OPCML: variants seen among roughly 807,000 people sequenced by gnomAD.
The protein encoded by OPCML is opioid-binding protein/cell adhesion molecule.
A neutral mutation model predicts 37.8 loss-of-function variants in OPCML; 13 were observed. The observed-to-expected ratio is 0.34, with a 90% confidence interval of 0.22 to 0.55. OPCML has a LOEUF of 0.55. Ranked by LOEUF, OPCML falls within the 20% of genes least tolerant of loss-of-function variation. The probability of loss-of-function intolerance (pLI) is 0.91; values close to 1 mark genes in which losing one functional copy is unlikely to be tolerated. For synonymous variants in OPCML, 176 were observed against 168.8 expected, an observed-to-expected ratio of 1.04 and a Z score of -0.33; for missense variants, 341 against 435.6, an observed-to-expected ratio of 0.78 and a Z score of 1.93.
intron 4 of OPCML, among the ~76,000 whole-genome samples, chr11:132,487,547 G>A (rs186955404): frequency 6.6e-6 from 1 of 152,138 alleles, no homozygotes; most frequent in Admixed American, 6.5e-5. Flanking sequence ...TTTGCTGCAC[G>A]AACACCTCAT....
At chr11:133,051,967 T>C (rs994632402) in intron 1 of OPCML, among the ~76,000 whole-genome samples, 3 of 152,184 alleles carry the variant, frequency 2.0e-5, no homozygotes, top group African/African-American at 7.2e-5. Context: ...GGGGAGGAGA[T>C]AAACCCCCAG....
At chr11:132,655,315 C>T (rs1306921941) in intron 3 of OPCML, among the ~76,000 whole-genome samples, 1 of 152,174 alleles carries the variant, frequency 6.6e-6, no homozygotes, top group African/African-American at 2.4e-5. Flanking sequence ...TGGAACCAAG[C>T]CCAGGTGCAG....
chr11:133,081,635 G>A lies in OPCML; in HGVS notation c.62-138625C>T, dbSNP rs1020056060. Among the ~76,000 whole-genome samples the A allele has an allele frequency of 3.9e-5, 6 of 152,200 alleles. No homozygotes were observed. In the South Asian group the frequency reaches 1.2e-3, roughly 31 times the overall value. On this transcript the variant is annotated intron_variant, in intron 1 of 7. Transcript: ENST00000524381. ...TCTCCCTTTGGATAAGCCCAATAGT[G>A]TATTAAATGCACTCCTGCTCTAGGG... is the stretch of plus-strand genomic sequence containing the variant.
intron 2 of OPCML, among the ~76,000 whole-genome samples, chr11:132,905,640 C>T (rs1465395345): frequency 1.3e-5 from 2 of 151,872 alleles, no homozygotes; most frequent in Non-Finnish European, 1.5e-5. Flanking sequence ...CTTCATGATG[C>T]AAAATTAAGA....
chr11:133,496,865 C>T (rs1337051742), intron 1 of OPCML, among the ~76,000 whole-genome samples: 1 of 152,156 alleles, frequency 6.6e-6, no homozygotes, highest in Non-Finnish European at 1.5e-5. Flanking sequence ...GTTTGACTTC[C>T]TCTTTACCAA....
At chr11:133,043,608 C>A in intron 1 of OPCML, among the ~76,000 whole-genome samples, 1 of 152,184 alleles carries the variant, frequency 6.6e-6, no homozygotes, top group African/African-American at 2.4e-5. Context: ...TTAGACAACA[C>A]GCATCCTGAC....
At chr11:133,032,935 C>T (rs1323708352) in intron 1 of OPCML, among the ~76,000 whole-genome samples, 1 of 152,202 alleles carries the variant, frequency 6.6e-6, no homozygotes, top group Admixed American at 6.5e-5. Flanking sequence ...TATCTCAGCA[C>T]TGCAATGAGG....
intron 1 of OPCML, among the ~76,000 whole-genome samples, chr11:133,478,865 C>A (rs1385770748): frequency 6.6e-6 from 1 of 151,546 alleles, no homozygotes; most frequent in Non-Finnish European, 1.5e-5. Context: ...GCCTGCTACT[C>A]ACCCTGGAGC....
chr11:133,377,092 C>T (rs140282557), intron 1 of OPCML, among the ~76,000 whole-genome samples: 1 of 152,198 alleles, frequency 6.6e-6, no homozygotes, highest in Non-Finnish European at 1.5e-5. Context: ...GCCTTGAGGG[C>T]TCGTGGTTTA....
rs180888342 is a variant in OPCML, at chr11:133,112,644, G to A, written c.62-169634C>T. Reference sequence around the variant, plus strand: ...AACCCTGCAATGAGGGCTATTTGCCGTGAATGCTTTGATAGGTGAATGTCC... The same window carrying A: ...AACCCTGCAATGAGGGCTATTTGCCATGAATGCTTTGATAGGTGAATGTCC... On this transcript the variant is annotated intron_variant, in intron 1 of 7. Coordinates refer to ENST00000524381, the MANE Select transcript of OPCML (RefSeq NM_001012393.5). 2.3e-3 allele frequency among the ~76,000 whole-genome samples: 345 copies of A among 152,252 alleles called. 3 individuals are homozygous for A. The highest frequency in any genetic ancestry group is 7.8e-3 in the African/African-American group (322 of 41,526).
chr11:132,571,559 A>T (rs1329432701), intron 3 of OPCML, among the ~76,000 whole-genome samples: 2 of 152,152 alleles, frequency 1.3e-5, no homozygotes, highest in African/African-American at 2.4e-5. Flanking sequence ...TTTACTTAGC[A>T]TAAAGTCCTC....
intron 2 of OPCML, among the ~76,000 whole-genome samples, chr11:132,891,847 C>T (rs1943661032): frequency 6.6e-6 from 1 of 152,180 alleles, no homozygotes; most frequent in East Asian, 1.9e-4. Context: ...TTTCAATTTC[C>T]ATGTTCCCTG....
At chr11:133,137,828 G>A (rs916273403) in intron 1 of OPCML, among the ~76,000 whole-genome samples, 1 of 152,190 alleles carries the variant, frequency 6.6e-6, no homozygotes, top group Non-Finnish European at 1.5e-5. Flanking sequence ...AACATCAGGA[G>A]CTCTTAAGCA....
At chr11:133,140,570 G>GAAGAAGAAGAAGAAGAAGAAGAAGAAGA (rs1565467427) in intron 1 of OPCML, among the ~76,000 whole-genome samples, 1 of 139,258 alleles carries the variant, frequency 7.2e-6, no homozygotes, top group African/African-American at 2.9e-5. Flanking sequence ...AGAAGAAGAA[G>GAAGAAGAAGAAGAAGAAGAAGAAGAAGA]AAGAAGAAAG....
At chr11:133,361,231 G>C (rs1043224565) in intron 1 of OPCML, 61 of 152,462 alleles carry the variant, frequency 4.0e-4, no homozygotes, top group African/African-American at 1.3e-3. Flanking sequence ...GATGCTGCCT[G>C]AGTGACGGTT....
intron 1 of OPCML, among the ~76,000 whole-genome samples, chr11:133,193,675 C>T (rs1938416832): frequency 1.3e-5 from 2 of 152,108 alleles, no homozygotes; most frequent in East Asian, 1.9e-4. Context: ...AGCCCACTGA[C>T]AGCACTCAAT....
chr11:132,859,881 T>A (rs1398697341), intron 2 of OPCML: 1 of 152,194 alleles, frequency 6.6e-6, no homozygotes, highest in Non-Finnish European at 1.5e-5. Flanking sequence ...CTCAGCTACA[T>A]ATATATATGA....
intron 1 of OPCML, among the ~76,000 whole-genome samples, chr11:133,201,283 G>T (rs1310054646): frequency 1.4e-5 from 2 of 144,480 alleles, no homozygotes; most frequent in Admixed American, 7.1e-5. Flanking sequence ...GAAATTAAAA[G>T]TTGGAAAGAA....
intron 1 of OPCML, among the ~76,000 whole-genome samples, chr11:133,146,615 GC>G (rs1297401100): frequency 1.3e-5 from 2 of 151,650 alleles, no homozygotes; most frequent in African/African-American, 4.8e-5. Context: ...GCCTGGCCAT[GC>G]TAGGCTAATT....
Sources: gnomAD v4.1 joint callset for allele counts (sites outside exome capture counted in the v4.1 genomes callset) on GRCh38, gnomAD v4.1.1 for gene constraint, MANE v1.5 for transcripts, NCBI Gene and HGNC (gene_info 2026-07-23, HGNC 2026-07-21) for gene names.